The following PRKCI variants were observed in gnomAD, a reference collection of about 807,000 sequenced individuals.
PRKCI encodes protein kinase C iota, also known as protein kinase C iota type.
A neutral mutation model predicts 84.0 loss-of-function variants in PRKCI; 43 were observed. That is an observed-to-expected ratio of 0.51 (90% CI 0.40 to 0.66). The LOEUF (loss-of-function observed/expected upper bound fraction) is 0.66, where lower values mean the gene tolerates loss of function less well. Ranked by LOEUF, PRKCI falls within the 30% of genes least tolerant of loss-of-function variation. PRKCI has a pLI of 0.00. For synonymous variants in PRKCI, 216 were observed against 234.4 expected, an observed-to-expected ratio of 0.92 and a Z score of 0.72; for missense variants, 459 against 745.6, an observed-to-expected ratio of 0.62 and a Z score of 4.48.
chr3:170,295,897 T>A lies in PRKCI; in HGVS notation c.1418-14T>A, dbSNP rs1464123336. On this transcript the variant is annotated splice_polypyrimidine_tract_variant and intron_variant, in intron 14 of 17. Transcript: ENST00000295797. ...TAAAAGTTAAATATAATACTATAAT[T>A]TTTATCTTTCTAGTTATTTTGGAAA... 6.8e-7 allele frequency: 1 copy of A among 1,479,856 alleles called. No individual in the cohort carries two copies. Among genetic ancestry groups the A allele is most frequent in the Non-Finnish European group, 9.2e-7 (1 of 1,081,602 alleles). 91.7% of individuals were successfully genotyped at this position (1,479,856 alleles called of 1,614,324 possible). A position where few individuals can be genotyped will look rare whatever the true frequency, so the allele number is the denominator to read the frequency against.
At chr3:170,285,339 A>G (rs946820491) in intron 12 of PRKCI, among the ~76,000 whole-genome samples, 4 of 152,178 alleles carry the variant, frequency 2.6e-5, no homozygotes, top group Non-Finnish European at 5.9e-5. Flanking sequence ...TCAGCCTCCC[A>G]AAGTGCTGGG....
intron 2 of PRKCI, 119 bp downstream of exon 2, chr3:170,235,470 C>A: frequency 9.0e-7 from 1 of 1,109,164 alleles, no homozygotes; most frequent in Non-Finnish European, 1.3e-6. Flanking sequence ...AAATTTGATG[C>A]CATTCTTGTT....
At position 170,252,373 on chromosome 3, in the gene PRKCI, G is replaced by T. The variant is rs1733473798; in HGVS notation, c.224-7596G>T. Among the ~76,000 whole-genome samples the T allele has an allele frequency of 2.6e-5, 4 of 152,236 alleles. No individual in the cohort carries two copies. The South Asian group carries it at 6.2e-4, about 24-fold the overall frequency. ...TTTAATTTTAATGGATACATAGTAG[G>T]TGTATGTGTTTATGGGGTACATGAG... On this transcript the variant is annotated intron_variant, in intron 2 of 17. Transcript: ENST00000295797.
At chr3:170,266,714 C>G (rs1171141423) in intron 4 of PRKCI, among the ~76,000 whole-genome samples, 2 of 152,208 alleles carry the variant, frequency 1.3e-5, no homozygotes, top group African/African-American at 2.4e-5. Flanking sequence ...ACTTTGGGGC[C>G]TGGCATGGTG....
Position 170,297,304 on chromosome 3 carries a change from G to T in PRKCI, c.1498G>T (p.Asp500Tyr). 6.2e-7 allele frequency: 1 copy of T among 1,610,108 alleles called. No individual in the cohort carries two copies. The highest frequency in any genetic ancestry group is 8.5e-7 in the Non-Finnish European group (1 of 1,176,482). The change falls in exon 16 of 18, where the codon GAC becomes TAC. Residue 500 changes from aspartate (D) to tyrosine (Y), a missense_variant and splice_region_variant. Asp to Tyr is a radical substitution (Grantham distance 160). Coordinates refer to ENST00000295797, the MANE Select transcript of PRKCI (RefSeq NM_002740.6). ...TCTTGAAACATTTCTTTCACCATAG[G>T]ACCCTAAGGAACGATTGGGTTGTCA... ...ASVLKSFLNK[D>Y]PKERLGCHPQ...
chr3:170,237,653 G>T (rs768331127), intron 2 of PRKCI, among the ~76,000 whole-genome samples: 12 of 152,124 alleles, frequency 7.9e-5, no homozygotes, highest in Non-Finnish European at 1.8e-4. Context: ...CAATATTTGG[G>T]ATCATTTCTA....
At chr3:170,287,980 C>CT (rs1451106258) in intron 12 of PRKCI, among the ~76,000 whole-genome samples, 1 of 150,710 alleles carries the variant, frequency 6.6e-6, no homozygotes, top group Non-Finnish European at 1.5e-5. Context: ...GGTGCGGTGG[C>CT]TTGCACCTGT....
intron 17 of PRKCI, among the ~76,000 whole-genome samples, chr3:170,299,930 T>A (rs1231987562): frequency 6.6e-6 from 1 of 152,242 alleles, no homozygotes; most frequent in African/African-American, 2.4e-5. Flanking sequence ...TTGCTTTTTT[T>A]AAGAAATTAC....
chr3:170,297,768 A>C (rs1026234909), intron 16 of PRKCI, among the ~76,000 whole-genome samples: 1 of 151,872 alleles, frequency 6.6e-6, no homozygotes, highest in African/African-American at 2.4e-5. Context: ...TCTCGGGCCA[A>C]ATTTTATTGT....
intron 3 of PRKCI, among the ~76,000 whole-genome samples, chr3:170,261,127 A>ATTT (rs982994574): frequency 2.2e-5 from 3 of 134,622 alleles, no homozygotes; most frequent in African/African-American, 2.8e-5. Context: ...TGACTGGCTA[A>ATTT]TTTTTTTTTT....
intron 11 of PRKCI, among the ~76,000 whole-genome samples, chr3:170,283,104 C>CAA (rs892905150): frequency 3.7e-5 from 4 of 107,436 alleles, no homozygotes; most frequent in Non-Finnish European, 8.2e-5. Context: ...GACTCCGTCT[C>CAA]AAAAAAAAAA....
At chr3:170,302,919 A>C in intron 17 of PRKCI, 121 bp from the exon 18 acceptor site, 1 of 632,718 alleles carries the variant, frequency 1.6e-6, no homozygotes, top group Non-Finnish European at 2.4e-6. Flanking sequence ...TTAATCTAAA[A>C]ATTTATAGAT....
At chr3:170,270,717 A>T (rs1357666483) in intron 6 of PRKCI, among the ~76,000 whole-genome samples, 156 bp downstream of exon 6, 1 of 151,960 alleles carries the variant, frequency 6.6e-6, no homozygotes, top group Admixed American at 6.6e-5. Context: ...CTGTTAACAC[A>T]CCGTGAACTT....
intron 2 of PRKCI, among the ~76,000 whole-genome samples, chr3:170,248,299 G>A (rs1455869492): frequency 6.6e-6 from 1 of 152,036 alleles, no homozygotes; most frequent in African/African-American, 2.4e-5. Flanking sequence ...GAGGTCTAAT[G>A]CCCTAATTTG....
At chr3:170,247,047 A>G (rs1327894826) in intron 2 of PRKCI, among the ~76,000 whole-genome samples, 2 of 142,134 alleles carry the variant, frequency 1.4e-5, no homozygotes, top group Admixed American at 7.0e-5. Context: ...TATGTGAAGC[A>G]TCTCTTTGGC....
chr3:170,288,895 T>A (rs1444535928), intron 12 of PRKCI, among the ~76,000 whole-genome samples: 1 of 152,254 alleles, frequency 6.6e-6, no homozygotes, highest in East Asian at 1.9e-4. Context: ...TTGGATGAAT[T>A]TCTTTATAAA....
intron 2 of PRKCI, among the ~76,000 whole-genome samples, chr3:170,257,523 G>GTCTTT (rs1733613992): frequency 3.9e-5 from 6 of 152,040 alleles, no homozygotes; most frequent in African/African-American, 1.4e-4. Context: ...ATATTAAAGA[G>GTCTTT]AAGTATGAAG....
intron 2 of PRKCI, among the ~76,000 whole-genome samples, chr3:170,256,452 TG>T (rs1448918533): frequency 5.3e-5 from 8 of 152,208 alleles, no homozygotes; most frequent in Non-Finnish European, 1.2e-4. Context: ...TCTGATTTGT[TG>T]GCATATAGTT....
intron 4 of PRKCI, among the ~76,000 whole-genome samples, chr3:170,265,220 A>C (rs899056493): frequency 6.6e-6 from 1 of 151,984 alleles, no homozygotes; most frequent in African/African-American, 2.4e-5. Flanking sequence ...ACTGCACTCC[A>C]ATCTACGTGA....
Sources: gnomAD v4.1 joint callset for allele counts (sites outside exome capture counted in the v4.1 genomes callset) on GRCh38, gnomAD v4.1.1 for gene constraint, MANE v1.5 for transcripts, NCBI Gene and HGNC (gene_info 2026-07-23, HGNC 2026-07-21) for gene names.